Variants in KIAA0825 observed in about 807,000 individuals in gnomAD.
KIAA0825 encodes the protein uncharacterized protein KIAA0825.
KIAA0825 carries 119 observed loss-of-function variants against 147.6 expected under a neutral mutation model. That is an observed-to-expected ratio of 0.81 (90% CI 0.69 to 0.94). KIAA0825 has a LOEUF of 0.94. Among genes scored for constraint, KIAA0825 ranks in the 40% least tolerant of loss-of-function variants. KIAA0825 has a pLI of 0.00. For synonymous variants in KIAA0825, 470 were observed against 518.1 expected, an observed-to-expected ratio of 0.91 and a Z score of 1.26; for missense variants, 1,381 against 1,472.7, an observed-to-expected ratio of 0.94 and a Z score of 1.02.
At chr5:94,350,512 A>G (rs1267792234) in intron 20 of KIAA0825, among the ~76,000 whole-genome samples, 7 of 152,214 alleles carry the variant, frequency 4.6e-5, no homozygotes, top group East Asian at 1.9e-4. Context: ...CTTGATGAAC[A>G]TGGATGCTAA....
intron 20 of KIAA0825, among the ~76,000 whole-genome samples, chr5:94,156,207 T>C (rs1583690101): frequency 6.6e-6 from 1 of 152,324 alleles, no homozygotes; most frequent in South Asian, 2.1e-4. Flanking sequence ...GTATTTGAAC[T>C]CAGAGAGTCA....
rs58854761 is a variant in KIAA0825, at chr5:94,319,489, T to C, written c.3710+64879A>G. Among the ~76,000 whole-genome samples the C allele has an allele frequency of 7.3e-3, 1,109 of 152,036 alleles. 12 individuals carry two copies. Among genetic ancestry groups the C allele is most frequent in the African/African-American group, 0.025 (1,054 of 41,522 alleles). On this transcript the variant is annotated intron_variant, in intron 20 of 20. Transcript: ENST00000682413. ...TGTCTTAAAGCCCTATCAAACGTAG[T>C]ATCTCCAAAAGAGAATTCTTGATTT...
At chr5:94,446,387 T>C (rs1261144489) in intron 13 of KIAA0825, among the ~76,000 whole-genome samples, 1 of 152,108 alleles carries the variant, frequency 6.6e-6, no homozygotes, top group Admixed American at 6.6e-5. Flanking sequence ...GAAAGAAAAG[T>C]AAAAATGCTA....
intron 3 of KIAA0825, among the ~76,000 whole-genome samples, chr5:94,533,664 A>G (rs1169859656): frequency 6.6e-6 from 1 of 152,204 alleles, no homozygotes; most frequent in East Asian, 1.9e-4. Flanking sequence ...TTAGTGCTAT[A>G]TGCAGTTTTC....
chr5:94,591,614 A>T (rs1332457690), intron 1 of KIAA0825, among the ~76,000 whole-genome samples: 1 of 152,206 alleles, frequency 6.6e-6, no homozygotes, highest in Admixed American at 6.5e-5. Context: ...ATGTAGTTTT[A>T]GATTTTCTTT....
intron 7 of KIAA0825, among the ~76,000 whole-genome samples, chr5:94,474,219 A>AG (rs1285817486): frequency 1.3e-5 from 2 of 152,124 alleles, no homozygotes; most frequent in Non-Finnish European, 2.9e-5. Flanking sequence ...GCTACAGTTG[A>AG]GGGGCTGATG....
At chr5:94,205,219 C>T (rs936781669) in intron 20 of KIAA0825, among the ~76,000 whole-genome samples, 53 of 146,350 alleles carry the variant, frequency 3.6e-4, no homozygotes, top group African/African-American at 1.3e-3. Flanking sequence ...ATTATTTTTA[C>T]ACTCTCAGGA....
At chr5:94,370,945 C>T (rs1172903480) in intron 20 of KIAA0825, among the ~76,000 whole-genome samples, 2 of 151,592 alleles carry the variant, frequency 1.3e-5, no homozygotes, top group South Asian at 2.1e-4. Context: ...AACAAAAAAA[C>T]GTAGTGTCAT....
intron 20 of KIAA0825, among the ~76,000 whole-genome samples, chr5:94,290,207 C>T (rs1584024701): frequency 6.6e-6 from 1 of 152,110 alleles, no homozygotes; most frequent in Admixed American, 6.6e-5. Flanking sequence ...CATAGATATA[C>T]ATGTGCCATG....
intron 20 of KIAA0825, among the ~76,000 whole-genome samples, chr5:94,383,967 C>T (rs538635024): frequency 1.8e-4 from 28 of 152,080 alleles, no homozygotes; most frequent in South Asian, 1.0e-3. Context: ...GCATTTTATA[C>T]GCATTCATTA....
At chr5:94,518,022 T>A (rs543562949) in intron 5 of KIAA0825, among the ~76,000 whole-genome samples, 266 of 152,200 alleles carry the variant, frequency 1.7e-3, no homozygotes, top group African/African-American at 6.0e-3. Context: ...TTAGAAGGAT[T>A]AAAAGAGATA....
chr5:94,222,019 A>G (rs765654059), intron 20 of KIAA0825, among the ~76,000 whole-genome samples: 4 of 152,036 alleles, frequency 2.6e-5, no homozygotes, highest in Non-Finnish European at 4.4e-5. Context: ...CTTCACTGTC[A>G]TTTAGTAGTC....
intron 20 of KIAA0825, among the ~76,000 whole-genome samples, chr5:94,199,863 G>A (rs1771501770): frequency 6.6e-6 from 1 of 152,170 alleles, no homozygotes; most frequent in African/African-American, 2.4e-5. Context: ...CTAAAGAATT[G>A]TGGTGGTGGC....
chr5:94,419,672 G>C (rs1177633868), intron 14 of KIAA0825, among the ~76,000 whole-genome samples: 1 of 152,134 alleles, frequency 6.6e-6, no homozygotes, highest in Non-Finnish European at 1.5e-5. Flanking sequence ...CATTGTACCA[G>C]GTGCTGAGGC....
chr5:94,425,773 TTTG>T (rs1281222615), intron 14 of KIAA0825, among the ~76,000 whole-genome samples: 1 of 152,144 alleles, frequency 6.6e-6, no homozygotes, highest in African/African-American at 2.4e-5. Context: ...CCTCACAGCA[TTTG>T]TTATTTTTTT....
chr5:94,345,127 T>A (rs920265424), intron 20 of KIAA0825, among the ~76,000 whole-genome samples: 1 of 151,990 alleles, frequency 6.6e-6, no homozygotes, highest in African/African-American at 2.4e-5. Context: ...ATAGTAGTAA[T>A]CTTATAGGAG....
At chr5:94,154,345 T>C (rs1766833520) in intron 20 of KIAA0825, among the ~76,000 whole-genome samples, 1 of 152,184 alleles carries the variant, frequency 6.6e-6, no homozygotes, top group Admixed American at 6.5e-5. Context: ...TCAGCTCCAC[T>C]TCAGGATAAA....
At chr5:94,209,368 T>C (rs143152118) in intron 20 of KIAA0825, among the ~76,000 whole-genome samples, 4 of 152,324 alleles carry the variant, frequency 2.6e-5, no homozygotes, top group Admixed American at 6.5e-5. Flanking sequence ...AAATGAACCA[T>C]GCAAGTCTAA....
In KIAA0825 at chr5:94,470,030, T is replaced by C. The variant is rs1023799939; in HGVS notation, c.1803A>G (p.Arg601=). Reference sequence around the variant, plus strand: ...CCTGTAAAATGCTTGTAGCACAAACTCTGACGCAGTAGTTCGTAACCTGAA... The same window carrying C: ...CCTGTAAAATGCTTGTAGCACAAACCCTGACGCAGTAGTTCGTAACCTGAA... ...LQFQVTNYCV[R]VCATSILQDA... Residue 601 remains arginine (R), a synonymous_variant, in exon 10 of 21, where the codon AGA becomes AGG. Coordinates refer to ENST00000682413, the MANE Select transcript of KIAA0825 (RefSeq NM_001145678.3). The C allele has an allele frequency of 3.9e-6, 6 of 1,551,704 alleles. No homozygotes were observed. In the South Asian group the frequency reaches 4.8e-5, roughly 12 times the overall value.
Sources: allele counts gnomAD v4.1 joint callset (sites outside exome capture counted in the v4.1 genomes callset), GRCh38; gene constraint gnomAD v4.1.1; transcripts MANE v1.5; gene names NCBI Gene and HGNC (gene_info 2026-07-23, HGNC 2026-07-21).